The following RNF40 variants were observed in gnomAD, a reference collection of about 807,000 sequenced individuals.
RNF40 encodes the protein E3 ubiquitin-protein ligase BRE1B.
RNF40 carries 39 observed loss-of-function variants against 123.3 expected under a neutral mutation model. That is an observed-to-expected ratio of 0.32 (90% CI 0.24 to 0.41). RNF40 has a LOEUF of 0.41. Among genes scored for constraint, RNF40 ranks in the 10% least tolerant of loss-of-function variants. The pLI is 1.00. For missense variants in RNF40, 1,003 were observed against 1,319.9 expected (o/e 0.76, Z 3.72); for synonymous variants, 538 against 526.0 (o/e 1.02, Z -0.31).
At chr16:30,762,789 T>G (rs1418618143) in intron 2 of RNF40, 112 bp downstream of exon 2, 1 of 1,342,612 alleles carries the variant, frequency 7.4e-7, no homozygotes, top group Non-Finnish European at 1.0e-6. Flanking sequence ...AAGGTCCGCG[T>G]TACAGGACCT....
rs369888244 is a variant in RNF40, at chr16:30,768,168, C to T, written c.1617C>T (p.Gly539=). Residue 539 remains glycine, a synonymous_variant, in exon 13 of 20, where the codon GGC becomes GGT. Coordinates refer to ENST00000324685, the MANE Select transcript of RNF40 (RefSeq NM_014771.4). This position sits in a 1 kb window ranked among gnomAD's most constrained non-coding sequence, Gnocchi z 4.1. ...ACCTGGGCCACCCAGAGGATTCTGG[C>T]GTCAGTGCCCCAGCCCCAGGGAAAG... ...TPNLGHPEDS[G]VSAPAPGKEE... The T allele has an allele frequency of 1.6e-5, 26 of 1,610,634 alleles. No homozygotes were observed. Among genetic ancestry groups the T allele is most frequent in the African/African-American group, 1.3e-4 (10 of 74,954 alleles).
chr16:30,775,510 G>C lies in RNF40; in HGVS notation c.*1396G>C, dbSNP rs571559011. On this transcript the variant is annotated 3_prime_UTR_variant, in exon 20 of 20. Coordinates refer to ENST00000324685, the MANE Select transcript of RNF40 (RefSeq NM_014771.4). ...CGGAGAGAGAGCTAGTTTCCCGGTT[G>C]CGCTGGCCAAAGGCCGGCCTGAACT... is the stretch of plus-strand genomic sequence containing the variant. The C allele has an allele frequency of 5.9e-6, 1 of 169,694 alleles. No individual in the cohort carries two copies. Among genetic ancestry groups the C allele is most frequent in the African/African-American group, 2.4e-5 (1 of 41,810 alleles). 10.5% of individuals were successfully genotyped at this position (169,694 alleles called of 1,614,324 possible).
At chr16:30,770,815 G>A (rs1161483803) in intron 17 of RNF40, among the ~76,000 whole-genome samples, 1 of 152,074 alleles carries the variant, frequency 6.6e-6, no homozygotes, top group Non-Finnish European at 1.5e-5. Context: ...AGGTTCAAGC[G>A]ATTCTTCTGC....
rs1457616093 is a variant in RNF40, at chr16:30,764,166, C to G, written c.443-13C>G. The G allele has an allele frequency of 6.3e-7, 1 of 1,598,888 alleles. No homozygotes were observed. Among genetic ancestry groups the G allele is most frequent in the Non-Finnish European group, 8.5e-7 (1 of 1,171,452 alleles). On this transcript the variant is annotated splice_polypyrimidine_tract_variant and intron_variant, in intron 4 of 19. Transcript: ENST00000324685. ...TGCTCTTATCCTCATGAGGGTCTGTCCATTCCTTCCAGACCCCTTGCTGAT... is the reference window on the plus strand; with the variant it reads ...TGCTCTTATCCTCATGAGGGTCTGTGCATTCCTTCCAGACCCCTTGCTGAT...
chr16:30,764,228 T>C lies in RNF40; in HGVS notation c.492T>C (p.Ala164=), dbSNP rs1473136612. 6.2e-7 allele frequency: 1 copy of C among 1,612,380 alleles called. No homozygotes were observed. Among genetic ancestry groups the C allele is most frequent in the Non-Finnish European group, 8.5e-7 (1 of 1,179,294 alleles). The change falls in exon 5 of 20, where the codon GCT becomes GCC. Residue 164 remains alanine (A), a synonymous_variant. Coordinates refer to ENST00000324685, the MANE Select transcript of RNF40 (RefSeq NM_014771.4). ...LRPPLSEPAL[A]FVVALGASSS... ...CCCCTCTCAGTGAGCCGGCCTTGGC[T>C]TTTGTGGTGGCACTGGGTGCCAGCA...
Position 30,774,789 on chromosome 16 carries a change from A to C in RNF40, c.*675A>C, listed in dbSNP as rs1596767631. The C allele has an allele frequency of 2.8e-6, 1 of 362,310 alleles. No individual in the cohort carries two copies. Among genetic ancestry groups the C allele is most frequent in the Non-Finnish European group, 5.5e-6 (1 of 183,250 alleles). The allele number at this position is 362,310 out of a possible 1,614,324, so 22.4% of individuals were successfully genotyped here. On this transcript the variant is annotated 3_prime_UTR_variant, in exon 20 of 20. Transcript: ENST00000324685. The stretch of plus-strand genomic sequence containing the variant: ...AACCAACATCATCAGTTTCTATTCT[A>C]ATCAGGCCCCTTCCCAATCTCCATT...
chr16:30,772,281 G>T, intron 19 of RNF40, 91 bp downstream of exon 19: 1 of 1,028,074 alleles, frequency 9.7e-7, no homozygotes, highest in Non-Finnish European at 1.5e-6. Flanking sequence ...GACCCTGGAA[G>T]TAATGTAGGG....
At position 30,774,899 on chromosome 16, in the gene RNF40, G is replaced by T; in HGVS notation, c.*785G>T. 6.6e-6 allele frequency: 3 copies of T among 454,900 alleles called. No individual in the cohort carries two copies. The highest frequency in any genetic ancestry group is 1.3e-5 in the Non-Finnish European group (3 of 225,826). The allele number at this position is 454,900 out of a possible 1,614,324, so 28.2% of individuals were successfully genotyped here. A position where few individuals can be genotyped will look rare whatever the true frequency, so the allele number is the denominator to read the frequency against. On this transcript the variant is annotated 3_prime_UTR_variant, in exon 20 of 20. Coordinates refer to ENST00000324685, the MANE Select transcript of RNF40 (RefSeq NM_014771.4). ...ACCTAACCCTGCTTTCATCCTGGTG[G>T]CCTTAACTACAGTGGAGGTGGAACT...
chr16:30,775,459 T>A lies in RNF40; in HGVS notation c.*1345T>A, dbSNP rs1282798903. ...GCTGCATCCTGGGAAGTGTAGTTCC[T>A]GGTCCGCACATGGTTAGGAGGTTCT... is the stretch of plus-strand genomic sequence containing the variant. On this transcript the variant is annotated 3_prime_UTR_variant, in exon 20 of 20. Coordinates refer to ENST00000324685, the MANE Select transcript of RNF40 (RefSeq NM_014771.4). 5.4e-6 allele frequency: 1 copy of A among 185,082 alleles called. No individual in the cohort carries two copies. The highest frequency in any genetic ancestry group is 1.6e-4 in the East Asian group (1 of 6,168). 11.5% of individuals were successfully genotyped at this position (185,082 alleles called of 1,614,324 possible). A position where few individuals can be genotyped will look rare whatever the true frequency, so the allele number is the denominator to read the frequency against.
upstream of RNF40, chr16:30,761,921 A>G: frequency 1.5e-6 from 1 of 654,932 alleles, no homozygotes; most frequent in Non-Finnish European, 2.5e-6. Context: ...CTCCGTCTCA[A>G]CGGCGACGGT....
Position 30,774,340 on chromosome 16 carries a change from G to T in RNF40, c.*226G>T. The T allele has an allele frequency of 1.9e-6, 1 of 519,528 alleles. No individual in the cohort carries two copies. The highest frequency in any genetic ancestry group is 3.4e-6 in the Non-Finnish European group (1 of 294,616). The allele number at this position is 519,528 out of a possible 1,614,324, so 32.2% of individuals were successfully genotyped here. On this transcript the variant is annotated 3_prime_UTR_variant, in exon 20 of 20. Coordinates refer to ENST00000324685, the MANE Select transcript of RNF40 (RefSeq NM_014771.4). Reference sequence around the variant, plus strand: ...TCAGAGCTGCAGCCTAGGGGGCACTGCCCTACAGAAAAGGTCTGCCTGAGA... The same window carrying T: ...TCAGAGCTGCAGCCTAGGGGGCACTTCCCTACAGAAAAGGTCTGCCTGAGA...
rs1213480795 is a variant in RNF40, at chr16:30,775,542, T to C, written c.*1428T>C. 1.2e-5 allele frequency: 2 copies of C among 165,494 alleles called. No homozygotes were observed. Among genetic ancestry groups the C allele is most frequent in the East Asian group, 1.8e-4 (1 of 5,504 alleles). The allele number at this position is 165,494 out of a possible 1,614,324, so 10.3% of individuals were successfully genotyped here. A position where few individuals can be genotyped will look rare whatever the true frequency, so the allele number is the denominator to read the frequency against. ...CCAAAGGCCGGCCTGAACTGGATCCTGCGGACCGCTTCTCAGCGGCTTCAC... is the reference window on the plus strand; with the variant it reads ...CCAAAGGCCGGCCTGAACTGGATCCCGCGGACCGCTTCTCAGCGGCTTCAC... On this transcript the variant is annotated 3_prime_UTR_variant, in exon 20 of 20. Coordinates refer to ENST00000324685, the MANE Select transcript of RNF40 (RefSeq NM_014771.4).
At chr16:30,769,150 C>T (rs2054099796) in intron 15 of RNF40, 36 bp from the exon 16 acceptor site, 1 of 1,609,246 alleles carries the variant, frequency 6.2e-7, no homozygotes, top group African/African-American at 1.3e-5. Context: ...CTGTCCACTT[C>T]CCACGTTCCA....
At position 30,768,771 on chromosome 16, in the gene RNF40, A is replaced by C; in HGVS notation, c.2097+35A>C. 6.2e-7 allele frequency: 1 copy of C among 1,613,844 alleles called. No individual in the cohort carries two copies. Among genetic ancestry groups the C allele is most frequent in the South Asian group, 1.1e-5 (1 of 91,088 alleles). On this transcript the variant is annotated intron_variant, in intron 14 of 19. Coordinates refer to ENST00000324685, the MANE Select transcript of RNF40 (RefSeq NM_014771.4). The surrounding 1 kb of genome is among the most constrained non-coding windows in gnomAD (Gnocchi z 4.1). ...GCTGGGGCTTGTGGGGCATTCAGAA[A>C]GGCAGAGCAGAGTCCTAGCTCAGCA...
intron 19 of RNF40, 79 bp downstream of exon 19, chr16:30,772,269 G>A: frequency 1.7e-6 from 2 of 1,195,178 alleles, no homozygotes; most frequent in Non-Finnish European, 2.4e-6. Flanking sequence ...GGAGAGTCTG[G>A]GGACCCTGGA....
chr16:30,770,400 C>T (rs1289945649), intron 17 of RNF40, among the ~76,000 whole-genome samples: 1 of 152,006 alleles, frequency 6.6e-6, no homozygotes, highest in African/African-American at 2.4e-5. Flanking sequence ...TGAGCCACTG[C>T]ACCTGGCTGG....
chr16:30,774,542 C>G lies in RNF40; in HGVS notation c.*428C>G, dbSNP rs1432004133. The G allele has an allele frequency of 9.0e-6, 2 of 222,110 alleles. No individual in the cohort carries two copies. The highest frequency in any genetic ancestry group is 9.1e-6 in the Non-Finnish European group (1 of 109,720). 13.8% of individuals were successfully genotyped at this position (222,110 alleles called of 1,614,324 possible). Reference sequence around the variant, plus strand: ...AGGACCAGTGAGCCATGTCCTTGTTCCTTGTTTGAGACTGGGCTGCAGGCC... The same window carrying G: ...AGGACCAGTGAGCCATGTCCTTGTTGCTTGTTTGAGACTGGGCTGCAGGCC... On this transcript the variant is annotated 3_prime_UTR_variant, in exon 20 of 20. Transcript: ENST00000324685.
Position 30,768,784 on chromosome 16 carries a change from T to C in RNF40, c.2097+48T>C. On this transcript the variant is annotated intron_variant, in intron 14 of 19. Transcript: ENST00000324685. This position sits in a 1 kb window ranked among gnomAD's most constrained non-coding sequence, Gnocchi z 4.1. ...GGGCATTCAGAAAGGCAGAGCAGAG[T>C]CCTAGCTCAGCAGGAAGCAGTGTCA... 2 of 1,613,564 alleles carry C rather than the reference T, an allele frequency of 1.2e-6. No individual in the cohort carries two copies. Among genetic ancestry groups the C allele is most frequent in the South Asian group, 2.2e-5 (2 of 91,078 alleles).
Position 30,762,747 on chromosome 16 carries a change from C to T in RNF40, c.132+70C>T. 3.8e-6 allele frequency: 6 copies of T among 1,565,082 alleles called. No individual in the cohort carries two copies. The South Asian group carries it at 7.1e-5, about 18-fold the overall frequency. ...CCCTCTGTTCTCTGGCCAAACTGTG[C>T]GGAATCTTACACCCACTTCCCCAAG... On this transcript the variant is annotated intron_variant, in intron 2 of 19. Transcript: ENST00000324685.
Sources: gnomAD v4.1 joint callset for allele counts (sites outside exome capture counted in the v4.1 genomes callset) on GRCh38, gnomAD v4.1.1 for gene constraint, Gnocchi (gnomAD v3.1) non-coding constraint, MANE v1.5 for transcripts, NCBI Gene and HGNC (gene_info 2026-07-23, HGNC 2026-07-21) for gene names.